MYH11: variants seen among roughly 807,000 people sequenced by gnomAD.
The protein encoded by MYH11 is myosin-11.
In MYH11, 80 loss-of-function variants were observed where a neutral mutation model predicts 246.6. That is an observed-to-expected ratio of 0.32 (90% CI 0.27 to 0.39). The LOEUF is 0.39. MYH11 is among the 10% of genes least tolerant of loss of function. The probability of loss-of-function intolerance (pLI) is 1.00; values close to 1 mark genes in which losing one functional copy is unlikely to be tolerated. For missense variants in MYH11, 2,158 were observed against 2,546.8 expected (o/e 0.85, Z 3.29); for synonymous variants, 1,071 against 1,015.5 (o/e 1.05, Z -1.04).
intron 3 of MYH11, among the ~76,000 whole-genome samples, chr16:15,812,242 CTCTGAG>C (rs2043153998): frequency 6.6e-6 from 1 of 152,146 alleles, no homozygotes; most frequent in Non-Finnish European, 1.5e-5. Flanking sequence ...TTCTCCACTC[CTCTGAG>C]TCTGTTTTCC....
intron 5 of MYH11, chr16:15,784,865 T>C (rs746400979): frequency 1.5e-4 from 118 of 809,836 alleles, no homozygotes; most frequent in Admixed American, 3.5e-4. Context: ...CTTGATACTG[T>C]TTCTTTTCTC....
chr16:15,735,327 A>G, intron 26 of MYH11, 39 bp downstream of exon 26: 7 of 1,607,494 alleles, frequency 4.4e-6, no homozygotes, highest in Non-Finnish European at 6.0e-6. Flanking sequence ...CCATTGGTGC[A>G]GTGGGATAGC....
intron 1 of MYH11, among the ~76,000 whole-genome samples, chr16:15,839,289 T>C (rs372301478): frequency 6.6e-6 from 1 of 152,076 alleles, no homozygotes; most frequent in African/African-American, 2.4e-5. Flanking sequence ...TAAATGAGTC[T>C]CAAAAGCATC....
intron 9 of MYH11, among the ~76,000 whole-genome samples, chr16:15,768,595 C>T (rs1432046944): frequency 6.6e-6 from 1 of 152,158 alleles, no homozygotes; most frequent in African/African-American, 2.4e-5. Flanking sequence ...GCTCTGTGTA[C>T]CATCTGCTCC....
At chr16:15,794,110 A>G (rs556132574) in intron 4 of MYH11, among the ~76,000 whole-genome samples, 1 of 139,134 alleles carries the variant, frequency 7.2e-6, no homozygotes, top group South Asian at 2.3e-4. Flanking sequence ...TGCCCAGCTA[A>G]TTTTTTTGTA....
intron 8 of MYH11, chr16:15,775,838 A>G (rs2042209221): frequency 1.7e-6 from 1 of 585,700 alleles, no homozygotes; most frequent in Non-Finnish European, 3.1e-6. Context: ...TAATGATCTA[A>G]TGTCTAATTG....
intron 1 of MYH11, among the ~76,000 whole-genome samples, chr16:15,845,731 GGA>G (rs1382556522): frequency 1.3e-5 from 2 of 149,334 alleles, no homozygotes; most frequent in African/African-American, 4.9e-5. Flanking sequence ...AGAAAAAGAA[GGA>G]GAGAGAGAGA....
At chr16:15,730,369 T>TA (rs746923275) in intron 27 of MYH11, among the ~76,000 whole-genome samples, 2,849 of 97,170 alleles carry the variant, frequency 0.029, 41 homozygotes, top group Non-Finnish European at 0.035. Flanking sequence ...CCATCTCTAC[T>TA]AAAAAAAAAA....
chr16:15,718,179 T>C (rs1261315259), intron 37 of MYH11, 136 bp downstream of exon 37: 29 of 1,404,876 alleles, frequency 2.1e-5, no homozygotes, highest in African/African-American at 2.8e-5. Context: ...ATCTCTACTC[T>C]CAGGCCCCAC....
intron 20 of MYH11, among the ~76,000 whole-genome samples, chr16:15,742,723 CCT>C (rs1231512105): frequency 6.6e-6 from 1 of 152,040 alleles, no homozygotes; most frequent in African/African-American, 2.4e-5. Flanking sequence ...ACAGTGAGAC[CCT>C]GTCTCCACAA....
At chr16:15,737,752 C>G in intron 24 of MYH11, 132 bp from the exon 25 acceptor site, 1 of 912,470 alleles carries the variant, frequency 1.1e-6, no homozygotes, top group Non-Finnish European at 1.7e-6. Flanking sequence ...TAGTCACGGT[C>G]TGGACCATTA....
chr16:15,811,417 G>A (rs779652365), intron 3 of MYH11, among the ~76,000 whole-genome samples: 11 of 152,162 alleles, frequency 7.2e-5, no homozygotes, highest in Non-Finnish European at 1.5e-4. Flanking sequence ...GGGCAGCGAA[G>A]CTGGGTCCCC....
At chr16:15,829,953 A>G (rs2043688138) in intron 2 of MYH11, among the ~76,000 whole-genome samples, 1 of 152,166 alleles carries the variant, frequency 6.6e-6, no homozygotes, top group South Asian at 2.1e-4. Flanking sequence ...CGGCCAACAC[A>G]GTGAAACCTC....
At chr16:15,804,521 C>CA in intron 3 of MYH11, among the ~76,000 whole-genome samples, 1 of 151,602 alleles carries the variant, frequency 6.6e-6, no homozygotes, top group African/African-American at 2.4e-5. Flanking sequence ...GACTCCATCT[C>CA]AAAAAATAGT....
intron 5 of MYH11, 180 bp from the exon 6 acceptor site, chr16:15,782,657 C>G (rs1431683488): frequency 2.0e-5 from 12 of 613,700 alleles, no homozygotes; most frequent in Non-Finnish European, 3.5e-5. Context: ...AGAGAAGCAA[C>G]TGTCTGAGCT....
chr16:15,708,154 G>A (rs1045655315), intron 40 of MYH11, among the ~76,000 whole-genome samples: 6 of 151,966 alleles, frequency 3.9e-5, no homozygotes, highest in African/African-American at 7.3e-5. Flanking sequence ...CTTCCACCCC[G>A]TGTGCTGAAA....
chr16:15,803,247 C>T (rs556936120), intron 3 of MYH11, among the ~76,000 whole-genome samples: 4 of 151,506 alleles, frequency 2.6e-5, no homozygotes, highest in Non-Finnish European at 5.9e-5. Flanking sequence ...GAAATTCACT[C>T]GAGGACAGAG....
intron 25 of MYH11, among the ~76,000 whole-genome samples, chr16:15,737,053 TAGAG>T (rs969326188): frequency 7.3e-5 from 11 of 151,042 alleles, no homozygotes; most frequent in African/African-American, 1.5e-4. Context: ...AGAGGGCCCT[TAGAG>T]GGAGGGGCTG....
At chr16:15,843,568 G>T (rs533099975) in intron 1 of MYH11, among the ~76,000 whole-genome samples, 101 of 150,198 alleles carry the variant, frequency 6.7e-4, no homozygotes, top group African/African-American at 2.4e-3. Context: ...TGGCGGCCGC[G>T]TGTAGTCCCA....
Sources: allele counts gnomAD v4.1 joint callset (sites outside exome capture counted in the v4.1 genomes callset), GRCh38; gene constraint gnomAD v4.1.1; transcripts MANE v1.5; gene names NCBI Gene and HGNC (gene_info 2026-07-23, HGNC 2026-07-21).